TNIK: variants seen among roughly 807,000 people sequenced by gnomAD.
TNIK encodes TRAF2 and NCK-interacting protein kinase.
Under a neutral mutation model 191.3 loss-of-function variants are expected in TNIK, and 49 were observed. The observed-to-expected ratio is 0.26, with a 90% CI of 0.20 to 0.32. The LOEUF (loss-of-function observed/expected upper bound fraction) is 0.32. Among genes scored for constraint, TNIK ranks in the 10% least tolerant of loss-of-function variants. The probability of loss-of-function intolerance (pLI) is 1.00; values close to 1 mark genes in which losing one functional copy is unlikely to be tolerated. For synonymous variants in TNIK, 594 were observed against 600.9 expected, an observed-to-expected ratio of 0.99 and a Z score of 0.17; for missense variants, 1,155 against 1,702.3, an observed-to-expected ratio of 0.68 and a Z score of 5.66.
At chr3:171,107,690 AAAT>A (rs1467824852) in intron 20 of TNIK, among the ~76,000 whole-genome samples, 2 of 152,192 alleles carry the variant, frequency 1.3e-5, no homozygotes, top group African/African-American at 4.8e-5. Context: ...TTCATGTGGA[AAAT>A]AATATGGGGA....
chr3:171,209,680 C>G (rs1014796928), intron 4 of TNIK, among the ~76,000 whole-genome samples: 1 of 151,934 alleles, frequency 6.6e-6, no homozygotes, highest in Non-Finnish European at 1.5e-5. Context: ...ATTATATAAA[C>G]TATATAAAAT....
intron 12 of TNIK, among the ~76,000 whole-genome samples, chr3:171,153,137 C>T (rs1201142576): frequency 6.6e-6 from 1 of 152,090 alleles, no homozygotes; most frequent in Non-Finnish European, 1.5e-5. Flanking sequence ...TCTTCCTGAC[C>T]TCTGAGCAGC....
chr3:171,371,387 C>CA (rs1396896455), intron 1 of TNIK, among the ~76,000 whole-genome samples: 1 of 152,258 alleles, frequency 6.6e-6, no homozygotes, highest in Non-Finnish European at 1.5e-5. Context: ...CAAATAAAAA[C>CA]AAAAACAAAA....
rs142159468 is a variant in TNIK at position 171,295,088 on chromosome 3, A to G, written c.124-66867T>C. Among the ~76,000 whole-genome samples, 639 of 152,228 alleles carry G rather than the reference A, an allele frequency of 4.2e-3. 2 individuals are homozygous for G. Among genetic ancestry groups the G allele is most frequent in the African/African-American group, 0.015 (610 of 41,522 alleles). On this transcript the variant is annotated intron_variant, in intron 2 of 32. Coordinates refer to ENST00000436636, the MANE Select transcript of TNIK (RefSeq NM_015028.4). ...GATGGGCCAGGCTTAGAAGAGATAT[A>G]TATCCTTCTGTTCACATATTACTGG...
chr3:171,291,487 G>T (rs1160293536), intron 2 of TNIK, among the ~76,000 whole-genome samples: 1 of 152,002 alleles, frequency 6.6e-6, no homozygotes, highest in East Asian at 1.9e-4. Flanking sequence ...ATTCTCAAAG[G>T]ACATTTTCAT....
At chr3:171,333,376 T>G (rs556505630) in intron 2 of TNIK, among the ~76,000 whole-genome samples, 2 of 151,862 alleles carry the variant, frequency 1.3e-5, no homozygotes, top group East Asian at 3.9e-4. Flanking sequence ...GCCAACATGA[T>G]GAAACCCCGT....
chr3:171,302,570 AC>A lies in TNIK; in HGVS notation c.123+67049del, dbSNP rs200442723. Reference sequence around the variant, plus strand: ...AACCTTGGCTCCAATGGGAACCCGAACATTAGACTTTAAAATTTTCTTTTGA... The same window carrying A: ...AACCTTGGCTCCAATGGGAACCCGAAATTAGACTTTAAAATTTTCTTTTGA... On this transcript the variant is annotated intron_variant, in intron 2 of 32. Coordinates refer to ENST00000436636, the MANE Select transcript of TNIK (RefSeq NM_015028.4). 1.4e-3 allele frequency among the ~76,000 whole-genome samples: 211 copies of A among 152,304 alleles called. 4 individuals carry two copies. The East Asian group carries it at 0.032, about 23-fold the overall frequency.
chr3:171,274,886 T>C (rs1018345261), intron 2 of TNIK, among the ~76,000 whole-genome samples: 1 of 152,132 alleles, frequency 6.6e-6, no homozygotes, highest in Non-Finnish European at 1.5e-5. Flanking sequence ...GTGTAGAAAT[T>C]TATGGGCAGG....
chr3:171,194,586 T>A lies in TNIK; in HGVS notation c.356A>T (p.Asn119Ile). 1 of 1,613,954 alleles carries A rather than the reference T, an allele frequency of 6.2e-7. No individual in the cohort carries two copies. Among genetic ancestry groups the A allele is most frequent in the Non-Finnish European group, 8.5e-7 (1 of 1,179,862 alleles). ...CTCTTTCAACGTGTTACCTTTTGTG[T>A]TCTTGATCAGGTCGGTGACAGAGCC... Reference protein sequence around the residue: ...GAGSVTDLIKNTKGNTLKEEW... With the variant: ...GAGSVTDLIKITKGNTLKEEW... Residue 119 changes from asparagine (N) to isoleucine (I), a missense_variant, in exon 5 of 33, where the codon AAC (asparagine) becomes ATC (isoleucine). This residue lies in a region of TNIK where 225 missense variants were observed against 438.9 expected (regional missense o/e 0.51). Coordinates refer to ENST00000436636, the MANE Select transcript of TNIK (RefSeq NM_015028.4).
chr3:171,363,275 C>T (rs1305904454), intron 2 of TNIK, among the ~76,000 whole-genome samples: 1 of 152,148 alleles, frequency 6.6e-6, no homozygotes, highest in Non-Finnish European at 1.5e-5. Flanking sequence ...TGTTCTTCCT[C>T]CCCAGTAAAA....
rs138127033 is a variant in TNIK, at chr3:171,169,955, AAAG to A, written c.774-2688_774-2686del. On this transcript the variant is annotated intron_variant, in intron 9 of 32. Coordinates refer to ENST00000436636, the MANE Select transcript of TNIK (RefSeq NM_015028.4). The stretch of plus-strand genomic sequence containing the variant: ...TAATGTTTACTTAAAATGAGTCTTC[AAAG>A]AAGGATTCGTAGTGTCTTAAGTTAG... Among the ~76,000 whole-genome samples the A allele has an allele frequency of 7.0e-3, 1,061 of 152,370 alleles. 10 individuals carry two copies. Among genetic ancestry groups the A allele is most frequent in the Non-Finnish European group, 0.012 (815 of 68,026 alleles).
chr3:171,405,868 C>A (rs1721601848), intron 1 of TNIK, among the ~76,000 whole-genome samples: 2 of 152,122 alleles, frequency 1.3e-5, no homozygotes, highest in African/African-American at 4.8e-5. Flanking sequence ...AAACCATGTG[C>A]ATACTGAAAA....
intron 1 of TNIK, among the ~76,000 whole-genome samples, chr3:171,370,085 G>C (rs1559985626): frequency 6.6e-6 from 1 of 152,258 alleles, no homozygotes; most frequent in South Asian, 2.1e-4. Context: ...TGAAATATCC[G>C]AGCTGTTCAT....
At chr3:171,238,369 G>A (rs1320787392) in intron 2 of TNIK, among the ~76,000 whole-genome samples, 4 of 150,806 alleles carry the variant, frequency 2.7e-5, no homozygotes, top group Non-Finnish European at 4.4e-5. Flanking sequence ...ATACTACATT[G>A]TAAATATATA....
At position 171,063,646 on chromosome 3, in the gene TNIK, G is replaced by T. The variant is rs1576873733; in HGVS notation, c.*235C>A. On this transcript the variant is annotated 3_prime_UTR_variant, in exon 33 of 33. Transcript: ENST00000436636. ...TGGTCCATCTTTGTCCACAGACAAG[G>T]CAGCATTCTTGGGGATCTCCTGGAA... 2.2e-6 allele frequency: 1 copy of T among 450,188 alleles called. No individual in the cohort carries two copies. The highest frequency in any genetic ancestry group is 3.9e-5 in the East Asian group (1 of 25,718). The allele number at this position is 450,188 out of a possible 1,614,324, so 27.9% of individuals were successfully genotyped here. A position where few individuals can be genotyped will look rare whatever the true frequency, so the allele number is the denominator to read the frequency against.
Position 171,232,511 on chromosome 3 carries a change from A to AT in TNIK, c.124-4291dup, listed in dbSNP as rs201798349. ...TTTTAATAAAAGGATGAACTGAATT[A>AT]TTTTTTTCCTACAGAAATAACCAAT... On this transcript the variant is annotated intron_variant, in intron 2 of 32. Coordinates refer to ENST00000436636, the MANE Select transcript of TNIK (RefSeq NM_015028.4). Among the ~76,000 whole-genome samples the AT allele has an allele frequency of 4.6e-3, 704 of 152,306 alleles. 20 individuals carry two copies. The highest frequency in any genetic ancestry group is 0.043 in the Admixed American group (663 of 15,294).
At position 171,071,342 on chromosome 3, in the gene TNIK, G is replaced by GTAAT; in HGVS notation, c.3449-20_3449-19insATTA. On this transcript the variant is annotated intron_variant, in intron 28 of 32. Coordinates refer to ENST00000436636, the MANE Select transcript of TNIK (RefSeq NM_015028.4). ...TATTTAACTGTAATAGAAAAATTAT[G>GTAAT]AGTGAAAAAGTACATCAATTTACTC... 1 of 1,504,584 alleles carries GTAAT rather than the reference G, an allele frequency of 6.6e-7. No homozygotes were observed. The highest frequency in any genetic ancestry group is 2.0e-5 in the Admixed American group (1 of 50,312). 93.2% of individuals were successfully genotyped at this position (1,504,584 alleles called of 1,614,324 possible).
chr3:171,424,446 C>T (rs751124270), intron 1 of TNIK, among the ~76,000 whole-genome samples: 1 of 152,080 alleles, frequency 6.6e-6, no homozygotes, highest in Non-Finnish European at 1.5e-5. Flanking sequence ...GGATCTAGAA[C>T]TAGAAATACC....
intron 1 of TNIK, among the ~76,000 whole-genome samples, chr3:171,412,601 C>T (rs992204762): frequency 6.6e-6 from 1 of 152,084 alleles, no homozygotes; most frequent in African/African-American, 2.4e-5. Context: ...TAATAACCTG[C>T]CCAAGAGCAC....
Sources: gnomAD v4.1 joint callset for allele counts (sites outside exome capture counted in the v4.1 genomes callset) on GRCh38, gnomAD v4.1.1 for gene constraint, gnomAD v4.1.1 regional missense constraint, MANE v1.5 for transcripts, NCBI Gene and HGNC (gene_info 2026-07-23, HGNC 2026-07-21) for gene names.